SLC10A7: variants seen among roughly 807,000 people sequenced by gnomAD.
SLC10A7 encodes solute carrier family 10 member 7.
In SLC10A7, 29 loss-of-function variants were observed where a neutral mutation model predicts 43.2. The ratio of observed to expected loss-of-function variants is 0.67; its 90% CI spans 0.50 to 0.92. SLC10A7 has a LOEUF of 0.92. SLC10A7 is among the 40% of genes least tolerant of loss of function. The pLI is 0.00. For missense variants in SLC10A7, 295 were observed against 403.2 expected (o/e 0.73, Z 2.30); for synonymous variants, 152 against 144.8 (o/e 1.05, Z -0.35).
At chr4:146,293,198 T>C (rs1316004758) in intron 8 of SLC10A7, among the ~76,000 whole-genome samples, 3 of 152,214 alleles carry the variant, frequency 2.0e-5, no homozygotes, top group African/African-American at 4.8e-5. Flanking sequence ...GTCTTTGTTA[T>C]TGAGGGAAAA....
intron 5 of SLC10A7, among the ~76,000 whole-genome samples, chr4:146,424,014 A>T (rs891259920): frequency 1.3e-5 from 2 of 152,184 alleles, no homozygotes; most frequent in African/African-American, 4.8e-5. Flanking sequence ...CAGATTTTTT[A>T]AAAATGTTAT....
At chr4:146,268,235 T>A (rs1401126740) in intron 10 of SLC10A7, among the ~76,000 whole-genome samples, 1 of 152,206 alleles carries the variant, frequency 6.6e-6, no homozygotes, top group East Asian at 1.9e-4. Context: ...TCGGCTATGC[T>A]AAGTAGATGT....
intron 5 of SLC10A7, among the ~76,000 whole-genome samples, chr4:146,436,091 G>A (rs893020847): frequency 6.6e-6 from 1 of 151,948 alleles, no homozygotes. Flanking sequence ...AGTTGCTTCA[G>A]CCTCCACCAA....
At chr4:146,314,876 G>A (rs1364869753) in intron 6 of SLC10A7, among the ~76,000 whole-genome samples, 1 of 152,050 alleles carries the variant, frequency 6.6e-6, no homozygotes, top group Non-Finnish European at 1.5e-5. Flanking sequence ...AGAATTTGGG[G>A]GCTTGAGCTC....
chr4:146,492,960 G>A (rs1211723300), intron 4 of SLC10A7, among the ~76,000 whole-genome samples: 1 of 152,144 alleles, frequency 6.6e-6, no homozygotes, highest in East Asian at 1.9e-4. Flanking sequence ...GGGGCCAAAA[G>A]AAGCAGCTAA....
chr4:146,261,261 C>T (rs1047546296), intron 10 of SLC10A7, among the ~76,000 whole-genome samples: 6 of 152,212 alleles, frequency 3.9e-5, no homozygotes, highest in Non-Finnish European at 8.8e-5. Context: ...TGCCAGGCCC[C>T]TTCACCAGTG....
intron 9 of SLC10A7, among the ~76,000 whole-genome samples, chr4:146,292,616 A>C (rs531103102): frequency 6.6e-6 from 1 of 152,210 alleles, no homozygotes; most frequent in Non-Finnish European, 1.5e-5. Context: ...TAGGGTTCAA[A>C]CTCAGTTAAA....
At chr4:146,502,888 G>A (rs993281607) in intron 4 of SLC10A7, among the ~76,000 whole-genome samples, 4 of 152,178 alleles carry the variant, frequency 2.6e-5, no homozygotes, top group Non-Finnish European at 4.4e-5. Context: ...GCAGATGGAA[G>A]GAATGTCAAA....
chr4:146,357,832 G>A lies in SLC10A7; in HGVS notation c.436-31836C>T, dbSNP rs1735762703. On this transcript the variant is annotated intron_variant, in intron 5 of 11. Transcript: ENST00000335472. The stretch of plus-strand genomic sequence containing the variant: ...GTCTTGAAGCTGAGAGGCTGGAAGG[G>A]GAGAAGAGCTGCAAGTTCTTCCTTG... Among the ~76,000 whole-genome samples, 3 of 152,222 alleles carry A rather than the reference G, an allele frequency of 2.0e-5. 1 individual carries two copies. The South Asian group carries it at 6.2e-4, about 32-fold the overall frequency.
At chr4:146,428,045 C>A (rs1038539304) in intron 5 of SLC10A7, among the ~76,000 whole-genome samples, 3 of 151,896 alleles carry the variant, frequency 2.0e-5, no homozygotes, top group African/African-American at 7.3e-5. Context: ...GGCATGGTGG[C>A]GCATGCCTGT....
At chr4:146,437,432 C>G (rs550019596) in intron 5 of SLC10A7, among the ~76,000 whole-genome samples, 1 of 152,192 alleles carries the variant, frequency 6.6e-6, no homozygotes, top group Non-Finnish European at 1.5e-5. Context: ...CTTGAAACAG[C>G]ATCTATAAGA....
At chr4:146,282,134 T>G (rs555728027) in intron 10 of SLC10A7, among the ~76,000 whole-genome samples, 6 of 152,274 alleles carry the variant, frequency 3.9e-5, no homozygotes, top group African/African-American at 1.4e-4. Flanking sequence ...TCAACTTCAA[T>G]TTAATGATGA....
intron 6 of SLC10A7, among the ~76,000 whole-genome samples, chr4:146,314,958 G>A (rs1247801152): frequency 6.6e-6 from 1 of 152,128 alleles, no homozygotes; most frequent in Non-Finnish European, 1.5e-5. Context: ...TGTTTCTATG[G>A]TGTGAACAGC....
intron 4 of SLC10A7, among the ~76,000 whole-genome samples, chr4:146,483,494 G>C (rs748984977): frequency 4.0e-4 from 61 of 151,338 alleles, no homozygotes; most frequent in Non-Finnish European, 7.7e-4. Context: ...TAAAGTGAAA[G>C]AAATCAAAGT....
intron 5 of SLC10A7, among the ~76,000 whole-genome samples, chr4:146,428,570 A>G (rs1055275983): frequency 6.6e-6 from 1 of 150,782 alleles, no homozygotes; most frequent in Non-Finnish European, 1.5e-5. Flanking sequence ...TTTATTTTCT[A>G]AGGACTTCTA....
Position 146,258,691 on chromosome 4 carries a change from C to A in SLC10A7, c.993+1G>T. ...CAAATAAGATCTTTCTGGGGACTCA[C>A]CTTCTGCCTTGATACCATCCAAGAC... On this transcript the variant is annotated splice_donor_variant, in intron 11 of 11. Coordinates refer to ENST00000335472, the MANE Select transcript of SLC10A7 (RefSeq NM_001029998.6). LOFTEE classifies it high-confidence loss of function. 1 of 1,580,318 alleles carries A rather than the reference C, an allele frequency of 6.3e-7. No individual in the cohort carries two copies. Among genetic ancestry groups the A allele is most frequent in the Non-Finnish European group, 8.5e-7 (1 of 1,171,542 alleles).
chr4:146,283,520 C>T (rs967270331), intron 9 of SLC10A7, among the ~76,000 whole-genome samples: 4 of 151,974 alleles, frequency 2.6e-5, no homozygotes, highest in African/African-American at 7.2e-5. Flanking sequence ...ATATAATCAG[C>T]CCCTGGAGCA....
At chr4:146,508,110 A>G (rs186223251) in intron 3 of SLC10A7, among the ~76,000 whole-genome samples, 1 of 152,320 alleles carries the variant, frequency 6.6e-6, no homozygotes, top group South Asian at 2.1e-4. Flanking sequence ...AGCCGACCCT[A>G]TGGAAATATT....
At chr4:146,353,359 G>C (rs1442149950) in intron 5 of SLC10A7, among the ~76,000 whole-genome samples, 1 of 128,246 alleles carries the variant, frequency 7.8e-6, no homozygotes, top group African/African-American at 3.1e-5. Flanking sequence ...TCTCTGAATA[G>C]ACCAATAACA....
Sources: allele counts gnomAD v4.1 joint callset (sites outside exome capture counted in the v4.1 genomes callset), GRCh38; gene constraint gnomAD v4.1.1; transcripts MANE v1.5; gene names NCBI Gene and HGNC (gene_info 2026-07-23, HGNC 2026-07-21).